Variants in NCOA2 observed in about 807,000 individuals in gnomAD.
NCOA2 encodes the protein nuclear receptor coactivator 2.
In NCOA2, 21 loss-of-function variants were observed where a neutral mutation model predicts 145.1. The ratio of observed to expected loss-of-function variants is 0.14; its 90% CI spans 0.10 to 0.21. NCOA2 has a LOEUF of 0.21. Among genes scored for constraint, NCOA2 ranks in the 10% least tolerant of loss-of-function variants. The pLI is 1.00. For missense variants in NCOA2, 1,472 were observed against 1,837.6 expected (o/e 0.80, Z 3.64); for synonymous variants, 619 against 637.5 (o/e 0.97, Z 0.44).
intron 1 of NCOA2, among the ~76,000 whole-genome samples, chr8:70,337,043 GTTTATA>G (rs138479111): frequency 0.015 from 2,268 of 152,238 alleles, 61 homozygotes; most frequent in African/African-American, 0.053. Flanking sequence ...ACGGAGACAA[GTTTATA>G]TTTATAAAGA....
chr8:70,305,584 C>T (rs1827823744), intron 1 of NCOA2, among the ~76,000 whole-genome samples: 1 of 152,104 alleles, frequency 6.6e-6, no homozygotes, highest in African/African-American at 2.4e-5. Context: ...ATTTTTACTG[C>T]TCTGCCTGCC....
chr8:70,244,501 C>A (rs751518015), intron 2 of NCOA2, among the ~76,000 whole-genome samples: 13 of 151,736 alleles, frequency 8.6e-5, no homozygotes, highest in Non-Finnish European at 1.8e-4. Flanking sequence ...ATAACAACAA[C>A]AAAAAAATCA....
At chr8:70,228,736 A>G (rs1287753587) in intron 2 of NCOA2, among the ~76,000 whole-genome samples, 2 of 152,254 alleles carry the variant, frequency 1.3e-5, no homozygotes, top group Non-Finnish European at 2.9e-5. Flanking sequence ...AGCTATAACT[A>G]GCAAGTAATA....
chr8:70,449,232 A>G, the NCOA2 span, among the ~76,000 whole-genome samples: 2 of 152,230 alleles, frequency 1.3e-5, no homozygotes, highest in African/African-American at 2.4e-5. Flanking sequence ...GGTAATTGTC[A>G]AGGAAAACAA....
At chr8:70,378,383 T>C (rs1169378754) in intron 1 of NCOA2, among the ~76,000 whole-genome samples, 1 of 152,102 alleles carries the variant, frequency 6.6e-6, no homozygotes, top group African/African-American at 2.4e-5. Flanking sequence ...TGGCTCTAAA[T>C]TGAGGGAAGT....
the NCOA2 span, chr8:70,424,480 A>T: frequency 1.9e-6 from 1 of 521,578 alleles, no homozygotes; most frequent in South Asian, 1.4e-5. Context: ...CACACCCTCA[A>T]TGGCAGTGAT....
intron 3 of NCOA2, among the ~76,000 whole-genome samples, chr8:70,214,648 C>T (rs2133901851): frequency 6.6e-6 from 1 of 151,972 alleles, no homozygotes; most frequent in African/African-American, 2.4e-5. Context: ...CGAAACTGAC[C>T]CAGGAAATTT....
the NCOA2 span, among the ~76,000 whole-genome samples, chr8:70,438,560 A>G: frequency 4.6e-5 from 7 of 152,278 alleles, no homozygotes; most frequent in East Asian, 1.3e-3. Flanking sequence ...AATGCTATTT[A>G]CTTGATTTAT....
intron 1 of NCOA2, among the ~76,000 whole-genome samples, chr8:70,340,233 C>G (rs147599121): frequency 1.7e-3 from 259 of 151,288 alleles, no homozygotes; most frequent in African/African-American, 5.9e-3. Flanking sequence ...GGAACTTAAA[C>G]AAATTTATAA....
intron 5 of NCOA2, among the ~76,000 whole-genome samples, chr8:70,173,807 T>C (rs961030360): frequency 2.0e-5 from 3 of 152,074 alleles, no homozygotes; most frequent in South Asian, 2.1e-4. Context: ...TAGATTTTCA[T>C]AGAATTAGAT....
At chr8:70,449,484 G>T in the NCOA2 span, among the ~76,000 whole-genome samples, 2 of 152,238 alleles carry the variant, frequency 1.3e-5, no homozygotes, top group African/African-American at 4.8e-5. Context: ...CAGCAAAACT[G>T]TCACCCCTTG....
chr8:70,304,600 G>T (rs533140963), intron 1 of NCOA2, among the ~76,000 whole-genome samples: 40 of 151,998 alleles, frequency 2.6e-4, no homozygotes, highest in Non-Finnish European at 5.3e-4. Context: ...TGAGTGGCTA[G>T]GATTACAGGT....
At chr8:70,194,637 T>C (rs1427679265) in intron 4 of NCOA2, among the ~76,000 whole-genome samples, 3 of 151,520 alleles carry the variant, frequency 2.0e-5, no homozygotes, top group Non-Finnish European at 4.4e-5. Flanking sequence ...TTTTTTGGTC[T>C]AGAGAGCAAC....
At chr8:70,219,213 C>A (rs1329113496) in intron 2 of NCOA2, among the ~76,000 whole-genome samples, 1 of 152,104 alleles carries the variant, frequency 6.6e-6, no homozygotes, top group Non-Finnish European at 1.5e-5. Flanking sequence ...TTTGCTTGTA[C>A]CTACTCAAGG....
At chr8:70,414,379 T>C in the NCOA2 span, among the ~76,000 whole-genome samples, 1 of 152,158 alleles carries the variant, frequency 6.6e-6, no homozygotes, top group Non-Finnish European at 1.5e-5. Flanking sequence ...TCATTGACAA[T>C]ATCACCATTG....
intron 1 of NCOA2, among the ~76,000 whole-genome samples, chr8:70,342,619 A>G (rs1389030264): frequency 2.6e-5 from 4 of 152,012 alleles, no homozygotes; most frequent in African/African-American, 9.7e-5. Context: ...ACAGATTGTC[A>G]CATGCTGAAT....
At chr8:70,267,376 G>C (rs1438802688) in intron 2 of NCOA2, among the ~76,000 whole-genome samples, 1 of 148,248 alleles carries the variant, frequency 6.7e-6, no homozygotes, top group Non-Finnish European at 1.5e-5. Flanking sequence ...AGCTAATAAA[G>C]ATCTGTTTCC....
chr8:70,193,215 A>G (rs1379190807), intron 4 of NCOA2, among the ~76,000 whole-genome samples: 1 of 152,174 alleles, frequency 6.6e-6, no homozygotes, highest in African/African-American at 2.4e-5. Flanking sequence ...TGCACCACAT[A>G]GATTAAGAAC....
At chr8:70,155,281 T>C (rs1021620822) in intron 11 of NCOA2, among the ~76,000 whole-genome samples, 1 of 152,242 alleles carries the variant, frequency 6.6e-6, no homozygotes, top group Admixed American at 6.5e-5. Flanking sequence ...GAAATTCTTT[T>C]GCATTAATCA....
Sources: allele counts gnomAD v4.1 joint callset (sites outside exome capture counted in the v4.1 genomes callset), GRCh38; gene constraint gnomAD v4.1.1; transcripts MANE v1.5; gene names NCBI Gene and HGNC (gene_info 2026-07-23, HGNC 2026-07-21).